The following APOOL variants were observed in gnomAD, a reference collection of about 807,000 sequenced individuals.
The protein encoded by APOOL is apolipoprotein O like.
Under a neutral mutation model 23.1 loss-of-function variants are expected in APOOL, and 12 were observed. The ratio of observed to expected loss-of-function variants is 0.52; its 90% CI spans 0.33 to 0.84. APOOL has a LOEUF of 0.84. Among genes scored for constraint, APOOL ranks in the 40% least tolerant of loss-of-function variants. APOOL has a pLI of 0.02. For missense variants in APOOL, 212 were observed against 199.6 expected, an observed-to-expected ratio of 1.06 and a Z score of -0.37; for synonymous variants, 77 against 69.9, an observed-to-expected ratio of 1.10 and a Z score of -0.51.
At chrX:85,018,702 A>G (rs1921560735) in intron 1 of APOOL, among the ~76,000 whole-genome samples, 2 of 109,437 alleles carry the variant, frequency 1.8e-5, no homozygotes, top group South Asian at 7.8e-4. Context: ...TTCATTCATT[A>G]TATTCTTCAG....
At chrX:85,027,273 C>T (rs182297072) in intron 1 of APOOL, among the ~76,000 whole-genome samples, 87 of 111,297 alleles carry the variant, frequency 7.8e-4, no homozygotes, top group East Asian at 2.6e-3. Context: ...AACTCACTGT[C>T]GTGAAGACAG....
chrX:85,062,436 C>A (rs938841437), intron 5 of APOOL, among the ~76,000 whole-genome samples: 15 of 111,619 alleles, frequency 1.3e-4, no homozygotes, highest in Non-Finnish European at 2.6e-4. Context: ...ATGATAAAAT[C>A]TTTGCCCATG....
At chrX:85,012,371 C>T in intron 1 of APOOL, among the ~76,000 whole-genome samples, 1 of 111,332 alleles carries the variant, frequency 9.0e-6, no homozygotes, top group African/African-American at 3.3e-5. Flanking sequence ...GCTAGGACTT[C>T]CAGTATCATG....
At chrX:85,013,837 T>G (rs1410133286) in intron 1 of APOOL, among the ~76,000 whole-genome samples, 1 of 111,783 alleles carries the variant, frequency 8.9e-6, no homozygotes, top group East Asian at 2.8e-4. Context: ...AGTCCATTTG[T>G]TCTAGGATGT....
intron 5 of APOOL, among the ~76,000 whole-genome samples, chrX:85,056,858 C>G (rs888451376): frequency 8.9e-6 from 1 of 112,031 alleles, no homozygotes; most frequent in Non-Finnish European, 1.9e-5. Context: ...ACAGTTATAT[C>G]ATTCCCAAAA....
chrX:85,016,174 G>T (rs1383656386), intron 1 of APOOL, among the ~76,000 whole-genome samples: 1 of 107,767 alleles, frequency 9.3e-6, no homozygotes, highest in Non-Finnish European at 1.9e-5. Flanking sequence ...AGTATCCCTG[G>T]ATAGTCACCA....
At chrX:85,036,210 T>C (rs1410526394) in intron 1 of APOOL, among the ~76,000 whole-genome samples, 1 of 112,248 alleles carries the variant, frequency 8.9e-6, no homozygotes, top group Non-Finnish European at 1.9e-5. Flanking sequence ...GTTAGCTGTA[T>C]TCCCAGGTAT....
intron 1 of APOOL, among the ~76,000 whole-genome samples, chrX:85,017,898 C>T (rs148285328): frequency 0.027 from 3,007 of 111,873 alleles, 91 homozygotes; most frequent in African/African-American, 0.091. Flanking sequence ...TTTGCAGCAG[C>T]GCTCCACTAC....
chrX:85,073,950 T>A (rs1227254248), intron 6 of APOOL, 48 bp from the exon 7 acceptor site: 9 of 919,333 alleles, frequency 9.8e-6, no homozygotes, highest in Non-Finnish European at 1.3e-5. Context: ...CATTTTTAAT[T>A]TTAACTTTTA....
chrX:85,046,069 A>C (rs1225769222), intron 1 of APOOL, among the ~76,000 whole-genome samples: 1 of 111,470 alleles, frequency 9.0e-6, no homozygotes, highest in Admixed American at 9.6e-5. Context: ...CTAAGACCAG[A>C]GTCTGGCACA....
chrX:85,054,541 T>C (rs1471009663), intron 4 of APOOL, 143 bp downstream of exon 4: 6 of 370,959 alleles, frequency 1.6e-5, no homozygotes, highest in African/African-American at 1.1e-4. Context: ...TATTGATTAA[T>C]TTATTGATTA....
At chrX:85,005,037 AGTTC>A (rs1361276641) in intron 1 of APOOL, among the ~76,000 whole-genome samples, 1 of 111,349 alleles carries the variant, frequency 9.0e-6, no homozygotes, top group African/African-American at 3.3e-5. Flanking sequence ...TTGTATTTAT[AGTTC>A]ATTCATTCAT....
At chrX:85,082,830 G>A (rs977005014) in intron 8 of APOOL, among the ~76,000 whole-genome samples, 1 of 112,036 alleles carries the variant, frequency 8.9e-6, no homozygotes, top group African/African-American at 3.2e-5. Context: ...TGCCACATAT[G>A]CATGATTCAT....
chrX:85,031,202 A>G (rs1238432609), intron 1 of APOOL, among the ~76,000 whole-genome samples: 3 of 111,817 alleles, frequency 2.7e-5, no homozygotes, highest in Non-Finnish European at 5.6e-5. Flanking sequence ...CAGTCTTACA[A>G]TTTCAGTTTC....
chrX:85,088,316 GTTTTTTTTTT>G lies in APOOL; in HGVS notation c.*658_*667del, dbSNP rs766497759. The G allele has an allele frequency of 2.4e-3, 55 of 22,529 alleles. No homozygotes were observed. The highest frequency in any genetic ancestry group is 4.4e-3 in the South Asian group (1 of 225). 1.9% of individuals were successfully genotyped at this position (22,529 alleles called of 1,213,427 possible). A position where few individuals can be genotyped will look rare whatever the true frequency, so the allele number is the denominator to read the frequency against. On this transcript the variant is annotated 3_prime_UTR_variant, in exon 9 of 9. Coordinates refer to ENST00000373173, the MANE Select transcript of APOOL (RefSeq NM_198450.6). ...TGTATGGAAAGGTGTGTTTCCCTCT[GTTTTTTTTTT>G]TTTTTTTTTTTTTTTTTTTCCCATT...
chrX:85,060,354 G>A (rs1184988673), intron 5 of APOOL, among the ~76,000 whole-genome samples: 119 of 106,112 alleles, frequency 1.1e-3, no homozygotes, highest in South Asian at 4.1e-3. Context: ...TTGACTTGGC[G>A]ATGCGGGCTC....
intron 1 of APOOL, among the ~76,000 whole-genome samples, chrX:85,037,395 T>C (rs761273324): frequency 8.9e-6 from 1 of 111,737 alleles, no homozygotes; most frequent in Non-Finnish European, 1.9e-5. Context: ...CCTTTTGCTT[T>C]GCTGTCATTC....
At chrX:85,035,204 A>G (rs1922175838) in intron 1 of APOOL, among the ~76,000 whole-genome samples, 1 of 110,911 alleles carries the variant, frequency 9.0e-6, no homozygotes, top group Non-Finnish European at 1.9e-5. Flanking sequence ...TTTCTCTGAT[A>G]ATTAGTGCTG....
intron 8 of APOOL, among the ~76,000 whole-genome samples, chrX:85,075,116 C>T (rs187103721): frequency 1.1e-3 from 122 of 110,478 alleles, no homozygotes; most frequent in African/African-American, 3.8e-3. Flanking sequence ...TTATAAAACC[C>T]GCTAAGTTGT....
Sources: allele counts gnomAD v4.1 joint callset (sites outside exome capture counted in the v4.1 genomes callset), GRCh38; gene constraint gnomAD v4.1.1; transcripts MANE v1.5; gene names NCBI Gene and HGNC (gene_info 2026-07-23, HGNC 2026-07-21).